ACBD5: variants seen among roughly 807,000 people sequenced by gnomAD.
ACBD5 encodes the protein acyl-CoA-binding domain-containing protein 5.
A neutral mutation model predicts 71.8 loss-of-function variants in ACBD5; 40 were observed. The ratio of observed to expected loss-of-function variants is 0.56; its 90% CI spans 0.43 to 0.72. The LOEUF (loss-of-function observed/expected upper bound fraction) is 0.72, where lower values mean the gene tolerates loss of function less well. ACBD5 is among the 30% of genes least tolerant of loss of function. The probability of loss-of-function intolerance (pLI) is 0.00; values close to 1 mark genes in which losing one functional copy is unlikely to be tolerated. For synonymous variants in ACBD5, 229 were observed against 218.6 expected (o/e 1.05, Z -0.42); for missense variants, 559 against 644.5 (o/e 0.87, Z 1.44).
chr10:27,226,963 G>C (rs1488237111), intron 4 of ACBD5, among the ~76,000 whole-genome samples: 3 of 144,942 alleles, frequency 2.1e-5, no homozygotes, highest in African/African-American at 7.7e-5. Context: ...CACTGCGCCT[G>C]GCCCAAATTC....
rs1278654273 is a variant in ACBD5, at chr10:27,240,539, G to C, written c.16-55C>G. On this transcript the variant is annotated intron_variant, in intron 1 of 12. Coordinates refer to ENST00000396271, the MANE Select transcript of ACBD5 (RefSeq NM_145698.5). The surrounding 1 kb of genome is among the most constrained non-coding windows in gnomAD (Gnocchi z 4.1). ...CATGCCCCAAAAGGAGGAGGCCCGGGAGCGAAGCGGGTCAGTTCCCCTTTG... is the reference window on the plus strand; with the variant it reads ...CATGCCCCAAAAGGAGGAGGCCCGGCAGCGAAGCGGGTCAGTTCCCCTTTG... The C allele has an allele frequency of 6.4e-7, 1 of 1,553,150 alleles. No individual in the cohort carries two copies.
Position 27,235,125 on chromosome 10 carries a change from G to A in ACBD5, c.269C>T (p.Pro90Leu). ...TCTTCCAATAGGATCCCAAAATCCA[G>A]GCCTTGAAAGTTTACAGGGTCCTTC... Reference protein sequence around the residue: ...ATEGPCKLSRPGFWDPIGRYK... With the variant: ...ATEGPCKLSRLGFWDPIGRYK... Residue 90 changes from proline to leucine, a missense_variant, in exon 3 of 13, where the codon CCT (proline) becomes CTT (leucine). By Grantham distance (98) the Pro-to-Leu change is moderately conservative. Coordinates refer to ENST00000396271, the MANE Select transcript of ACBD5 (RefSeq NM_145698.5). The A allele has an allele frequency of 1.2e-6, 2 of 1,613,914 alleles. No homozygotes were observed. Among genetic ancestry groups the A allele is most frequent in the Non-Finnish European group, 1.7e-6 (2 of 1,179,964 alleles).
At chr10:27,207,862 G>A (rs1004774242) in intron 10 of ACBD5, among the ~76,000 whole-genome samples, 4 of 151,954 alleles carry the variant, frequency 2.6e-5, no homozygotes, top group African/African-American at 9.7e-5. Context: ...AGCCTCCTAA[G>A]TAGCTGGGAT....
At chr10:27,202,271 A>G (rs1393505958) in intron 12 of ACBD5, among the ~76,000 whole-genome samples, 1 of 152,228 alleles carries the variant, frequency 6.6e-6, no homozygotes, top group Admixed American at 6.5e-5. Context: ...CAGTTAATCT[A>G]TTACATATAT....
chr10:27,221,535 T>C (rs1228323536), intron 5 of ACBD5, among the ~76,000 whole-genome samples: 1 of 152,214 alleles, frequency 6.6e-6, no homozygotes, highest in African/African-American at 2.4e-5. Context: ...TATCTGCCTC[T>C]GGCCAGTGGC....
chr10:27,230,796 C>CAAAAAAAA (rs10625879), intron 4 of ACBD5, among the ~76,000 whole-genome samples: 1 of 111,998 alleles, frequency 8.9e-6, no homozygotes, highest in Non-Finnish European at 1.7e-5. Context: ...GACTCCATCT[C>CAAAAAAAA]AAAAAAAAAA....
At chr10:27,209,102 T>A (rs972182787) in intron 9 of ACBD5, among the ~76,000 whole-genome samples, 2 of 151,898 alleles carry the variant, frequency 1.3e-5, no homozygotes, top group African/African-American at 2.4e-5. Context: ...TTTTTTTTTT[T>A]TAAATAGAGA....
chr10:27,217,848 T>C lies in ACBD5; in HGVS notation c.829+132A>G, dbSNP rs1681142821. 3.6e-5 allele frequency: 31 copies of C among 856,704 alleles called. 1 individual carries two copies. In the South Asian group the frequency reaches 5.3e-4, roughly 15 times the overall value. 53.1% of individuals were successfully genotyped at this position (856,704 alleles called of 1,614,324 possible). ...ACTCTTTTTCAAAACTATAAATGCT[T>C]ATAATATTAATAAGCCCTAAGATAT... On this transcript the variant is annotated intron_variant, in intron 7 of 12. Coordinates refer to ENST00000396271, the MANE Select transcript of ACBD5 (RefSeq NM_145698.5).
intron 5 of ACBD5, among the ~76,000 whole-genome samples, chr10:27,222,429 G>T (rs1282472404): frequency 2.8e-5 from 4 of 144,384 alleles, no homozygotes; most frequent in Non-Finnish European, 1.5e-5. Flanking sequence ...AAAAAAAATA[G>T]AAGTTGTAAT....
intron 13 of ACBD5, among the ~76,000 whole-genome samples, chr10:27,186,070 C>T (rs1004462254): frequency 1.3e-5 from 2 of 150,932 alleles, no homozygotes; most frequent in African/African-American, 5.0e-5. Flanking sequence ...GCCTGGGCAA[C>T]GGAGCGAGAC....
At chr10:27,228,575 T>C (rs2063385004) in intron 4 of ACBD5, among the ~76,000 whole-genome samples, 1 of 150,616 alleles carries the variant, frequency 6.6e-6, no homozygotes, top group African/African-American at 2.4e-5. Context: ...AGACTCCGTC[T>C]CAAAAAAAAA....
chr10:27,199,188 C>CT (rs2059662870), intron 12 of ACBD5, among the ~76,000 whole-genome samples: 1 of 151,214 alleles, frequency 6.6e-6, no homozygotes, highest in African/African-American at 2.4e-5. Context: ...AACCCCCAAT[C>CT]TTTTTTTCTT....
At chr10:27,225,071 CTCTT>C (rs147302317) in intron 4 of ACBD5, among the ~76,000 whole-genome samples, 2 of 123,372 alleles carry the variant, frequency 1.6e-5, no homozygotes, top group Non-Finnish European at 3.3e-5. Flanking sequence ...CTCTCTCGCT[CTCTT>C]TCTTTTTTTT....
intron 6 of ACBD5, among the ~76,000 whole-genome samples, chr10:27,218,862 G>A (rs1382744494): frequency 6.6e-6 from 1 of 152,054 alleles, no homozygotes; most frequent in African/African-American, 2.4e-5. Flanking sequence ...CTGGGATTAC[G>A]AGTGTGAGCA....
intron 13 of ACBD5, among the ~76,000 whole-genome samples, chr10:27,184,340 T>C (rs1302493317): frequency 6.6e-6 from 1 of 152,078 alleles, no homozygotes; most frequent in Non-Finnish European, 1.5e-5. Flanking sequence ...GGAGCAGACA[T>C]TTGGAAAGTC....
At position 27,208,311 on chromosome 10, in the gene ACBD5, G is replaced by A; in HGVS notation, c.1339C>T (p.Leu447=). 6.2e-7 allele frequency: 1 copy of A among 1,614,192 alleles called. No homozygotes were observed. Residue 447 remains leucine, a synonymous_variant, in exon 10 of 13, where the codon CTG becomes TTG. Transcript: ENST00000396271. ...AGGACATTCTGCATGTCCTCCTGCA[G>A]TCTCATCAGCACGAGGGCGATCTGC... is the stretch of plus-strand genomic sequence containing the variant. ...NEQIALVLMR[L]QEDMQNVLQR...
chr10:27,240,457 A>G lies in ACBD5; in HGVS notation c.43T>C (p.Cys15Arg), dbSNP rs1398162621. The G allele has an allele frequency of 5.0e-6, 8 of 1,613,440 alleles. No homozygotes were observed. The South Asian group carries it at 8.8e-5, about 18-fold the overall frequency. The change falls in exon 2 of 13, where the codon TGC becomes CGC. Residue 15 changes from cysteine to arginine, a missense_variant. Transcript: ENST00000396271. This position sits in a 1 kb window ranked among gnomAD's most constrained non-coding sequence, Gnocchi z 4.1. The part of the protein sequence containing the change: ...SFHAGSWESW[C>R]CCCLIPADRP... ...TCGGCGGGAATCAGGCAGCAGCAGC[A>G]CCAGCTTTCCCAAGAGCCTGCATGA...
chr10:27,240,748 T>C lies in ACBD5; in HGVS notation c.-60A>G. On this transcript the variant is annotated 5_prime_UTR_variant, in exon 1 of 13. Coordinates refer to ENST00000396271, the MANE Select transcript of ACBD5 (RefSeq NM_145698.5). This position sits in a 1 kb window ranked among gnomAD's most constrained non-coding sequence, Gnocchi z 4.1. Reference sequence around the variant, plus strand: ...TGGCCGCGGAGCCGCTCTCCCACCCTGGGGACCCTGGCGGAGCAGCCACAC... The same window carrying C: ...TGGCCGCGGAGCCGCTCTCCCACCCCGGGGACCCTGGCGGAGCAGCCACAC... The C allele has an allele frequency of 6.5e-7, 1 of 1,549,502 alleles. No individual in the cohort carries two copies. Among genetic ancestry groups the C allele is most frequent in the Non-Finnish European group, 8.7e-7 (1 of 1,146,740 alleles).
At chr10:27,236,463 T>G (rs187623461) in intron 2 of ACBD5, among the ~76,000 whole-genome samples, 2 of 152,310 alleles carry the variant, frequency 1.3e-5, no homozygotes, top group Admixed American at 1.3e-4. Flanking sequence ...TACAAATTAT[T>G]TTCCTTTTCA....
Sources: gnomAD v4.1 joint callset for allele counts (sites outside exome capture counted in the v4.1 genomes callset) on GRCh38, gnomAD v4.1.1 for gene constraint, Gnocchi (gnomAD v3.1) non-coding constraint, MANE v1.5 for transcripts, NCBI Gene and HGNC (gene_info 2026-07-23, HGNC 2026-07-21) for gene names.